Variants in TRABD2B observed in about 807,000 individuals in gnomAD.
The protein encoded by TRABD2B is TraB domain containing 2B.
In TRABD2B, 14 loss-of-function variants were observed where a neutral mutation model predicts 40.1. That is an observed-to-expected ratio of 0.35 (90% CI 0.23 to 0.55). The LOEUF (loss-of-function observed/expected upper bound fraction) is 0.55. TRABD2B is among the 20% of genes least tolerant of loss of function. TRABD2B has a pLI of 0.90. For missense variants in TRABD2B, 541 were observed against 648.6 expected, an observed-to-expected ratio of 0.83 and a Z score of 1.80; for synonymous variants, 263 against 277.0, an observed-to-expected ratio of 0.95 and a Z score of 0.50.
chr1:47,881,330 G>C (rs1644301290), intron 2 of TRABD2B, among the ~76,000 whole-genome samples: 1 of 152,216 alleles, frequency 6.6e-6, no homozygotes, highest in Non-Finnish European at 1.5e-5. Flanking sequence ...TTGTGTGTCA[G>C]AATATATTTG....
chr1:47,961,293 T>C (rs917860747), intron 2 of TRABD2B, among the ~76,000 whole-genome samples: 11 of 152,160 alleles, frequency 7.2e-5, no homozygotes, highest in African/African-American at 1.4e-4. Context: ...ATTCAGGACA[T>C]AGGCATGGGC....
At chr1:47,961,862 G>C (rs1395805039) in intron 2 of TRABD2B, among the ~76,000 whole-genome samples, 1 of 152,034 alleles carries the variant, frequency 6.6e-6, no homozygotes, top group Non-Finnish European at 1.5e-5. Context: ...CTCATTACTG[G>C]GTATATACCC....
At chr1:47,980,056 G>C (rs1645818685) in intron 2 of TRABD2B, among the ~76,000 whole-genome samples, 1 of 152,144 alleles carries the variant, frequency 6.6e-6, no homozygotes, top group Non-Finnish European at 1.5e-5. Context: ...CCAGGATGAA[G>C]CCCAAACTTC....
At chr1:47,949,095 T>C (rs1284805398) in intron 2 of TRABD2B, among the ~76,000 whole-genome samples, 5 of 152,208 alleles carry the variant, frequency 3.3e-5, no homozygotes, top group African/African-American at 1.2e-4. Flanking sequence ...TTTAATGCTA[T>C]TACTAATAAT....
intron 2 of TRABD2B, among the ~76,000 whole-genome samples, chr1:47,844,525 G>A (rs912009953): frequency 1.3e-5 from 2 of 152,210 alleles, no homozygotes; most frequent in African/African-American, 4.8e-5. Context: ...TTTGGGCCAG[G>A]CTCTGGCCTG....
chr1:47,987,854 C>T (rs1456838679), intron 2 of TRABD2B, among the ~76,000 whole-genome samples: 1 of 152,134 alleles, frequency 6.6e-6, no homozygotes, highest in Non-Finnish European at 1.5e-5. Context: ...AGGTGAAGGT[C>T]GCGCCAGAAG....
chr1:47,771,061 G>A (rs527764629), intron 6 of TRABD2B, among the ~76,000 whole-genome samples: 1 of 152,294 alleles, frequency 6.6e-6, no homozygotes, highest in African/African-American at 2.4e-5. Context: ...TCTCATGGGG[G>A]CATCTTCTAC....
chr1:47,894,702 G>C (rs1644493600), intron 2 of TRABD2B, among the ~76,000 whole-genome samples: 2 of 152,214 alleles, frequency 1.3e-5, no homozygotes. Flanking sequence ...ATGTGTGAGT[G>C]CTGGTAGTGA....
intron 2 of TRABD2B, among the ~76,000 whole-genome samples, chr1:47,862,842 C>T (rs1643993808): frequency 2.0e-5 from 3 of 152,060 alleles, no homozygotes; most frequent in African/African-American, 7.2e-5. Context: ...TATTATAAAG[C>T]TATAATCATC....
intron 2 of TRABD2B, among the ~76,000 whole-genome samples, chr1:47,926,097 A>G (rs1217924189): frequency 1.3e-5 from 2 of 152,226 alleles, no homozygotes; most frequent in Non-Finnish European, 2.9e-5. Context: ...CACAGTATCA[A>G]GTGACTTTGC....
At chr1:47,816,530 C>T (rs1248109438) in intron 2 of TRABD2B, among the ~76,000 whole-genome samples, 1 of 152,158 alleles carries the variant, frequency 6.6e-6, no homozygotes, top group African/African-American at 2.4e-5. Context: ...GACCTTTGCA[C>T]ATGCTGGTCC....
chr1:47,881,831 CTG>C (rs1431266096), intron 2 of TRABD2B, among the ~76,000 whole-genome samples: 1 of 152,224 alleles, frequency 6.6e-6, no homozygotes, highest in African/African-American at 2.4e-5. Context: ...CCTGATATAA[CTG>C]TGCATCCTGG....
chr1:47,994,790 T>C lies in TRABD2B; in HGVS notation c.103-193A>G, dbSNP rs891103917. ...CTAGCTTTGCCCTGTCTTAGATGTA[T>C]GATCTTGAGTGAATCATTTCACTTC... On this transcript the variant is annotated intron_variant, in intron 1 of 6. Coordinates refer to ENST00000606738, the MANE Select transcript of TRABD2B (RefSeq NM_001194986.2). This position sits in a 1 kb window ranked among gnomAD's most constrained non-coding sequence, Gnocchi z 6.7. Among the ~76,000 whole-genome samples the C allele has an allele frequency of 6.6e-6, 1 of 152,204 alleles. No homozygotes were observed. The highest frequency in any genetic ancestry group is 2.4e-5 in the African/African-American group (1 of 41,444).
chr1:47,913,434 G>A (rs1253487594), intron 2 of TRABD2B, among the ~76,000 whole-genome samples: 2 of 152,210 alleles, frequency 1.3e-5, no homozygotes, highest in African/African-American at 4.8e-5. Flanking sequence ...TCTGATGGCA[G>A]AGAGGCACCC....
intron 2 of TRABD2B, among the ~76,000 whole-genome samples, chr1:47,949,198 T>C (rs968913415): frequency 2.6e-5 from 4 of 152,124 alleles, no homozygotes; most frequent in Admixed American, 6.5e-5. Context: ...ACTTTTAAAA[T>C]ATTAAAGTAA....
At chr1:47,916,988 G>A (rs908995346) in intron 2 of TRABD2B, among the ~76,000 whole-genome samples, 55 of 152,216 alleles carry the variant, frequency 3.6e-4, no homozygotes, top group African/African-American at 1.3e-3. Flanking sequence ...CTGTTTTCCC[G>A]TCTTGCAGAT....
At chr1:47,845,042 T>C (rs1368227182) in intron 2 of TRABD2B, among the ~76,000 whole-genome samples, 1 of 152,220 alleles carries the variant, frequency 6.6e-6, no homozygotes, top group African/African-American at 2.4e-5. Context: ...GATTCCATCC[T>C]GTGCAGGCAT....
intron 2 of TRABD2B, among the ~76,000 whole-genome samples, chr1:47,968,263 A>T (rs770050091): frequency 1.3e-5 from 2 of 152,184 alleles, no homozygotes; most frequent in Non-Finnish European, 2.9e-5. Context: ...CCTCATGAAT[A>T]TGTATTTTCA....
At chr1:47,866,425 T>C (rs747830210) in intron 2 of TRABD2B, among the ~76,000 whole-genome samples, 5 of 152,178 alleles carry the variant, frequency 3.3e-5, no homozygotes, top group Non-Finnish European at 7.3e-5. Context: ...TGACCATTTC[T>C]CTACACCCTA....
Sources: allele counts gnomAD v4.1 joint callset (sites outside exome capture counted in the v4.1 genomes callset), GRCh38; gene constraint gnomAD v4.1.1; non-coding constraint Gnocchi (gnomAD v3.1); transcripts MANE v1.5; gene names NCBI Gene and HGNC (gene_info 2026-07-23, HGNC 2026-07-21).